RORA: variants seen among roughly 807,000 people sequenced by gnomAD.
The protein encoded by RORA is RAR related orphan receptor A.
A neutral mutation model predicts 69.5 loss-of-function variants in RORA; 7 were observed. The observed-to-expected ratio is 0.10, with a 90% CI of 0.06 to 0.19. The LOEUF (loss-of-function observed/expected upper bound fraction) is 0.19. RORA is among the 10% of genes least tolerant of loss of function. The pLI is 1.00. For synonymous variants in RORA, 261 were observed against 240.8 expected (o/e 1.08, Z -0.78); for missense variants, 457 against 663.0 (o/e 0.69, Z 3.41).
chr15:60,949,399 C>T (rs1006121018), intron 1 of RORA, among the ~76,000 whole-genome samples: 3 of 152,272 alleles, frequency 2.0e-5, no homozygotes, highest in Admixed American at 6.5e-5. Context: ...AAACTCAGCA[C>T]GTAAAAATAA....
chr15:60,579,220 T>C (rs1293049395), intron 2 of RORA, among the ~76,000 whole-genome samples: 1 of 152,078 alleles, frequency 6.6e-6, no homozygotes, highest in Non-Finnish European at 1.5e-5. Flanking sequence ...GTCACCGTAG[T>C]AAAAAGGGGA....
chr15:60,614,925 G>T, intron 2 of RORA: 1 of 1,613,878 alleles, frequency 6.2e-7, no homozygotes, highest in Non-Finnish European at 8.5e-7. Context: ...GAAAAGAGAA[G>T]AACTCCCTTA....
intron 1 of RORA, among the ~76,000 whole-genome samples, chr15:61,154,575 C>T (rs764553828): frequency 6.6e-6 from 1 of 152,140 alleles, no homozygotes; most frequent in Non-Finnish European, 1.5e-5. Context: ...GGGTCATGAG[C>T]CATTTGTTGC....
At chr15:60,959,941 A>G (rs1199038198) in intron 1 of RORA, among the ~76,000 whole-genome samples, 1 of 152,084 alleles carries the variant, frequency 6.6e-6, no homozygotes, top group Non-Finnish European at 1.5e-5. Flanking sequence ...CCTTGGGGTA[A>G]GGGTGCGGGC....
chr15:60,883,147 A>AAAG (rs2073707761), intron 1 of RORA, among the ~76,000 whole-genome samples: 1 of 77,854 alleles, frequency 1.3e-5, no homozygotes, highest in Non-Finnish European at 2.6e-5. Context: ...AAAAAAAAAA[A>AAAG]AAAAGAAAGA....
At position 60,495,089 on chromosome 15, in the gene RORA, CAAAACA is replaced by C. The variant is rs1277542492; in HGVS notation, c.*2360_*2365del. ...TTAGTGAATCTGAATGACAAAAAAA[CAAAACA>C]AAACCAAAACCAAAAAACTAAAACA... On this transcript the variant is annotated 3_prime_UTR_variant, in exon 11 of 11. Transcript: ENST00000335670. 3.3e-5 allele frequency: 5 copies of C among 151,660 alleles called. No individual in the cohort carries two copies. Among genetic ancestry groups the C allele is most frequent in the Non-Finnish European group, 5.9e-5 (4 of 67,876 alleles). The allele number at this position is 151,660 out of a possible 1,614,324, so 9.4% of individuals were successfully genotyped here.
chr15:61,186,853 G>A (rs1046941201), intron 1 of RORA, among the ~76,000 whole-genome samples: 2 of 152,166 alleles, frequency 1.3e-5, no homozygotes, highest in Non-Finnish European at 2.9e-5. Context: ...GGCTCACTCT[G>A]TCTGGAGTCA....
At chr15:60,838,863 CACACACACACACACACACACACACAT>C (rs2073155510) in intron 1 of RORA, among the ~76,000 whole-genome samples, 1 of 87,398 alleles carries the variant, frequency 1.1e-5, no homozygotes, top group Non-Finnish European at 3.0e-5. Flanking sequence ...CACACACACA[CACACACACACACACACACACACACAT>C]ATACTTTTTT....
At chr15:61,194,042 A>G (rs1420007220) in intron 1 of RORA, 1 of 152,242 alleles carries the variant, frequency 6.6e-6, no homozygotes, top group African/African-American at 2.4e-5. Flanking sequence ...CAGCAGGGCC[A>G]AGACTGATAA....
intron 1 of RORA, among the ~76,000 whole-genome samples, chr15:60,735,188 G>C (rs2071481088): frequency 6.6e-6 from 1 of 152,158 alleles, no homozygotes; most frequent in South Asian, 2.1e-4. Context: ...TCCACCCTGG[G>C]TCACAGGACA....
chr15:60,551,042 TTA>T (rs1291761818), intron 2 of RORA, among the ~76,000 whole-genome samples: 4 of 152,186 alleles, frequency 2.6e-5, no homozygotes, highest in African/African-American at 9.7e-5. Context: ...TGGTATCTTT[TTA>T]TGTTTCAGAT....
At chr15:60,795,682 G>A (rs920312086) in intron 1 of RORA, among the ~76,000 whole-genome samples, 3 of 152,198 alleles carry the variant, frequency 2.0e-5, no homozygotes, top group African/African-American at 7.2e-5. Flanking sequence ...ACAACAGGTT[G>A]ATTTGTCAAC....
chr15:60,619,444 T>C (rs1383144988), intron 2 of RORA, among the ~76,000 whole-genome samples: 2 of 152,252 alleles, frequency 1.3e-5, no homozygotes, highest in Non-Finnish European at 2.9e-5. Context: ...ATGATGCCTT[T>C]TACGTCAGTT....
chr15:61,010,021 T>C (rs1013641007), intron 1 of RORA, among the ~76,000 whole-genome samples: 1 of 152,220 alleles, frequency 6.6e-6, no homozygotes, highest in African/African-American at 2.4e-5. Context: ...CCAACTGTAC[T>C]GCTTCATTTT....
chr15:61,126,570 ACTAT>A (rs1183318127), intron 1 of RORA, among the ~76,000 whole-genome samples: 12 of 152,316 alleles, frequency 7.9e-5, no homozygotes, highest in South Asian at 4.1e-4. Flanking sequence ...AAATAAGGAA[ACTAT>A]CTATTTTCAA....
intron 1 of RORA, among the ~76,000 whole-genome samples, chr15:60,988,911 A>G (rs1368281134): frequency 6.6e-6 from 1 of 152,222 alleles, no homozygotes; most frequent in East Asian, 1.9e-4. Context: ...AGAAGGAATC[A>G]TCCAGAAAGG....
intron 1 of RORA, among the ~76,000 whole-genome samples, chr15:61,063,297 G>C (rs918829948): frequency 1.1e-4 from 17 of 152,208 alleles, no homozygotes; most frequent in African/African-American, 2.4e-4. Context: ...TAAAAAGCAA[G>C]AATATATAAA....
chr15:60,770,640 C>G (rs969355449), intron 1 of RORA, among the ~76,000 whole-genome samples: 1 of 152,132 alleles, frequency 6.6e-6, no homozygotes, highest in Non-Finnish European at 1.5e-5. Context: ...GAGACCCAGT[C>G]TCATTTTGTT....
At chr15:61,022,255 C>A (rs1895565194) in intron 1 of RORA, among the ~76,000 whole-genome samples, 1 of 152,138 alleles carries the variant, frequency 6.6e-6, no homozygotes, top group African/African-American at 2.4e-5. Flanking sequence ...ACTGAGTGAG[C>A]TAATTGCATG....
Sources: gnomAD v4.1 joint callset for allele counts (sites outside exome capture counted in the v4.1 genomes callset) on GRCh38, gnomAD v4.1.1 for gene constraint, MANE v1.5 for transcripts, NCBI Gene and HGNC (gene_info 2026-07-23, HGNC 2026-07-21) for gene names.